The following KIAA1549L variants were observed in gnomAD, a reference collection of about 807,000 sequenced individuals.
KIAA1549L encodes KIAA1549 like.
Under a neutral mutation model 160.7 loss-of-function variants are expected in KIAA1549L, and 88 were observed. The ratio of observed to expected loss-of-function variants is 0.55; its 90% confidence interval spans 0.46 to 0.65. The LOEUF (loss-of-function observed/expected upper bound fraction) is 0.65, where lower values mean the gene tolerates loss of function less well. Among genes scored for constraint, KIAA1549L ranks in the 30% least tolerant of loss-of-function variants. The pLI is 0.00. For synonymous variants in KIAA1549L, 950 were observed against 976.7 expected (o/e 0.97, Z 0.51); for missense variants, 2,258 against 2,437.5 (o/e 0.93, Z 1.55).
rs538537933 is a variant in KIAA1549L, at chr11:33,438,876, C to A, written c.238+61987C>A. On this transcript the variant is annotated intron_variant, in intron 1 of 20. Transcript: ENST00000658780. Reference sequence around the variant, plus strand: ...TTTTTTTTTTTTTTTTAAGGTGTAACCCTGGGACTCTCAAGCTTAGAATCT... The same window carrying A: ...TTTTTTTTTTTTTTTTAAGGTGTAAACCTGGGACTCTCAAGCTTAGAATCT... Among the ~76,000 whole-genome samples the A allele has an allele frequency of 9.5e-5, 14 of 147,448 alleles. No homozygotes were observed. In the East Asian group the frequency reaches 2.4e-3, roughly 25 times the overall value.
chr11:33,593,514 G>C (rs1705359830), intron 12 of KIAA1549L, among the ~76,000 whole-genome samples: 1 of 152,244 alleles, frequency 6.6e-6, no homozygotes, highest in African/African-American at 2.4e-5. Flanking sequence ...TAGGGATGCA[G>C]AGTGGATGCA....
chr11:33,472,200 A>ACT (rs576602874), intron 1 of KIAA1549L, among the ~76,000 whole-genome samples: 1 of 148,172 alleles, frequency 6.7e-6, no homozygotes, highest in Admixed American at 6.8e-5. Context: ...AGTGCAGTGA[A>ACT]CTCCTGGGCT....
chr11:33,490,932 A>C (rs1852643528), intron 1 of KIAA1549L, among the ~76,000 whole-genome samples: 1 of 152,238 alleles, frequency 6.6e-6, no homozygotes, highest in South Asian at 2.1e-4. Context: ...CACTTTGCAC[A>C]GCAAGAATCT....
At chr11:33,403,272 C>CACGCAG (rs1850548124) in intron 1 of KIAA1549L, 1 of 144,684 alleles carries the variant, frequency 6.9e-6, no homozygotes. Flanking sequence ...CACAGACACA[C>CACGCAG]ACAGACACAG....
At chr11:33,381,772 A>G (rs1381615024) in intron 1 of KIAA1549L, among the ~76,000 whole-genome samples, 2 of 152,190 alleles carry the variant, frequency 1.3e-5, no homozygotes, top group Non-Finnish European at 2.9e-5. Context: ...GATGGCTTAG[A>G]GAGGGTGGTA....
At position 33,661,565 on chromosome 11, in the gene KIAA1549L, G is replaced by A. The variant is rs561012757; in HGVS notation, c.6159+551G>A. Reference sequence around the variant, plus strand: ...AATTCTGTAAAGTTTTAGAAGAAATGTCAGAAAATGAAGGATTAGAAACCC... The same window carrying A: ...AATTCTGTAAAGTTTTAGAAGAAATATCAGAAAATGAAGGATTAGAAACCC... On this transcript the variant is annotated intron_variant, in intron 20 of 20. Coordinates refer to ENST00000658780, the MANE Select transcript of KIAA1549L (RefSeq NM_012194.3). 9.2e-5 allele frequency among the ~76,000 whole-genome samples: 14 copies of A among 152,292 alleles called. No individual in the cohort carries two copies. The South Asian group carries it at 2.7e-3, about 29-fold the overall frequency.
At chr11:33,574,954 GT>G (rs1855397450) in intron 10 of KIAA1549L, 81 bp downstream of exon 10, 1 of 1,195,124 alleles carries the variant, frequency 8.4e-7, no homozygotes, top group Non-Finnish European at 1.2e-6. Flanking sequence ...CCAAAATCAT[GT>G]TAATGGTCTC....
chr11:33,441,539 G>T (rs1478048767), intron 1 of KIAA1549L, among the ~76,000 whole-genome samples: 1 of 151,968 alleles, frequency 6.6e-6, no homozygotes. Flanking sequence ...CCCACCAACA[G>T]TGTAAAAATG....
At chr11:33,584,374 G>C (rs1468174216) in intron 11 of KIAA1549L, among the ~76,000 whole-genome samples, 1 of 152,198 alleles carries the variant, frequency 6.6e-6, no homozygotes, top group Non-Finnish European at 1.5e-5. Context: ...CTTTGGCTGG[G>C]TGGCCAGAAA....
intron 17 of KIAA1549L, among the ~76,000 whole-genome samples, chr11:33,648,315 C>A: frequency 6.6e-6 from 1 of 152,086 alleles, no homozygotes; most frequent in East Asian, 2.0e-4. Context: ...CATTATTAAA[C>A]GCAGTCTTTT....
At chr11:33,475,564 A>T (rs1852267117) in intron 1 of KIAA1549L, among the ~76,000 whole-genome samples, 1 of 151,828 alleles carries the variant, frequency 6.6e-6, no homozygotes, top group African/African-American at 2.4e-5. Context: ...TCTTTAAAAA[A>T]AAAAAAGGCC....
intron 1 of KIAA1549L, among the ~76,000 whole-genome samples, chr11:33,445,876 C>A (rs1038532534): frequency 6.6e-6 from 1 of 152,170 alleles, no homozygotes; most frequent in Non-Finnish European, 1.5e-5. Context: ...AGGAAGACAG[C>A]CATCTATGAG....
chr11:33,660,755 C>T, intron 19 of KIAA1549L, 108 bp from the exon 20 acceptor site: 2 of 1,076,720 alleles, frequency 1.9e-6, no homozygotes, highest in South Asian at 3.1e-5. Context: ...ACTTCAAATC[C>T]AGCAGCCAGC....
intron 1 of KIAA1549L, among the ~76,000 whole-genome samples, chr11:33,471,984 C>T (rs540417421): frequency 2.6e-4 from 39 of 152,220 alleles, no homozygotes; most frequent in Non-Finnish European, 4.4e-5. Context: ...ACCGGAGATG[C>T]AGACTCCTTT....
intron 8 of KIAA1549L, among the ~76,000 whole-genome samples, chr11:33,562,184 G>A (rs190158292): frequency 5.3e-5 from 8 of 152,322 alleles, no homozygotes; most frequent in African/African-American, 1.9e-4. Flanking sequence ...CAGTGAGAGT[G>A]TTTGGAAATA....
rs1437334249 is a variant in KIAA1549L, at chr11:33,453,303, C to T, written c.238+76414C>T. Among the ~76,000 whole-genome samples, 2 of 152,160 alleles carry T rather than the reference C, an allele frequency of 1.3e-5. 1 individual carries two copies. Among genetic ancestry groups the T allele is most frequent in the South Asian group, 4.1e-4 (2 of 4,822 alleles). On this transcript the variant is annotated intron_variant, in intron 1 of 20. Coordinates refer to ENST00000658780, the MANE Select transcript of KIAA1549L (RefSeq NM_012194.3). ...CAGAGAGTTTTCATTTTGGCTTCTT[C>T]CAGATCTTGGGATGACTGACTAGGG...
At chr11:33,574,553 A>C in intron 9 of KIAA1549L, 149 bp from the exon 10 acceptor site, 1 of 590,010 alleles carries the variant, frequency 1.7e-6, no homozygotes, top group Middle Eastern at 4.7e-4. Context: ...AGGCTTCTTG[A>C]GAGGCTGGAT....
At chr11:33,599,577 T>G (rs1850300244) in intron 13 of KIAA1549L, 1 of 152,268 alleles carries the variant, frequency 6.6e-6, no homozygotes, top group Non-Finnish European at 1.5e-5. Flanking sequence ...CTACTTAGTT[T>G]CTCACACAGA....
At chr11:33,559,296 C>T (rs538235883) in intron 6 of KIAA1549L, among the ~76,000 whole-genome samples, 1 of 152,236 alleles carries the variant, frequency 6.6e-6, no homozygotes, top group South Asian at 2.1e-4. Flanking sequence ...TGTAACATTC[C>T]AATGCTCTAT....
Sources: gnomAD v4.1 joint callset for allele counts (sites outside exome capture counted in the v4.1 genomes callset) on GRCh38, gnomAD v4.1.1 for gene constraint, MANE v1.5 for transcripts, NCBI Gene and HGNC (gene_info 2026-07-23, HGNC 2026-07-21) for gene names.